Variants in CPQ observed in about 807,000 individuals in gnomAD.
The protein encoded by CPQ is Ser-Met dipeptidase.
CPQ carries 37 observed loss-of-function variants against 45.7 expected under a neutral mutation model. The ratio of observed to expected loss-of-function variants is 0.81; its 90% CI spans 0.62 to 1.07. The LOEUF (loss-of-function observed/expected upper bound fraction) is 1.07, where lower values mean the gene tolerates loss of function less well. Ranked by LOEUF, CPQ falls within the 50% of genes least tolerant of loss-of-function variation. The pLI, the probability that CPQ is intolerant of heterozygous loss-of-function variation, is 0.00. For missense variants in CPQ, 537 were observed against 572.9 expected (o/e 0.94, Z 0.64); for synonymous variants, 186 against 205.8 (o/e 0.90, Z 0.82).
chr8:97,094,633 C>T (rs930463778), intron 7 of CPQ, among the ~76,000 whole-genome samples: 1 of 152,046 alleles, frequency 6.6e-6, no homozygotes, highest in East Asian at 1.9e-4. Flanking sequence ...GTTCTGAGTC[C>T]GGTCCCCCTC....
chr8:97,020,683 GA>G (rs1395360546), intron 5 of CPQ, among the ~76,000 whole-genome samples: 1 of 152,038 alleles, frequency 6.6e-6, no homozygotes, highest in Non-Finnish European at 1.5e-5. Flanking sequence ...GAAAGAATTA[GA>G]TATTCTGAAC....
intron 3 of CPQ, among the ~76,000 whole-genome samples, chr8:96,841,763 C>G (rs1193392636): frequency 6.6e-6 from 1 of 152,078 alleles, no homozygotes; most frequent in Non-Finnish European, 1.5e-5. Context: ...TTGAAGATGA[C>G]TAAGAGCTGA....
intron 1 of CPQ, among the ~76,000 whole-genome samples, chr8:96,725,705 C>T (rs916842945): frequency 4.6e-5 from 7 of 152,086 alleles, no homozygotes; most frequent in African/African-American, 1.7e-4. Context: ...AACAGAACTG[C>T]CATTCAACCC....
intron 3 of CPQ, among the ~76,000 whole-genome samples, chr8:96,861,541 T>A (rs1811926164): frequency 6.6e-6 from 1 of 152,104 alleles, no homozygotes. Flanking sequence ...GTGTGACAAA[T>A]TCTTCACATT....
intron 2 of CPQ, among the ~76,000 whole-genome samples, chr8:96,801,822 C>T (rs1811010521): frequency 6.6e-6 from 1 of 152,154 alleles, no homozygotes; most frequent in Non-Finnish European, 1.5e-5. Context: ...TTTAGCAAAT[C>T]TGTCTGCCTT....
At chr8:96,685,894 T>C (rs1053304883) in intron 1 of CPQ, among the ~76,000 whole-genome samples, 2 of 152,126 alleles carry the variant, frequency 1.3e-5, no homozygotes, top group Non-Finnish European at 2.9e-5. Flanking sequence ...TTCTTGTGGG[T>C]CCATCAGTAA....
chr8:97,044,239 T>G (rs1468703747), intron 6 of CPQ, among the ~76,000 whole-genome samples: 1 of 152,218 alleles, frequency 6.6e-6, no homozygotes. Flanking sequence ...TCATTTCATC[T>G]TCCATCACTG....
chr8:97,122,987 TAAA>T (rs1811753725), intron 7 of CPQ, among the ~76,000 whole-genome samples: 1 of 40,350 alleles, frequency 2.5e-5, no homozygotes, highest in Non-Finnish European at 4.1e-5. Context: ...AAAATTAAAA[TAAA>T]ATAAAATAAA....
intron 4 of CPQ, among the ~76,000 whole-genome samples, chr8:96,885,863 G>A (rs937059255): frequency 2.6e-5 from 4 of 152,056 alleles, no homozygotes; most frequent in Non-Finnish European, 4.4e-5. Flanking sequence ...GTGGTGGCGG[G>A]CGCCTGTAGC....
At chr8:96,661,465 T>C (rs1815701293) in intron 1 of CPQ, among the ~76,000 whole-genome samples, 1 of 152,196 alleles carries the variant, frequency 6.6e-6, no homozygotes, top group Non-Finnish European at 1.5e-5. Flanking sequence ...CCCTCACTCC[T>C]GGCAACTACT....
intron 4 of CPQ, among the ~76,000 whole-genome samples, chr8:96,880,592 C>A (rs1812211825): frequency 7.9e-6 from 1 of 125,890 alleles, no homozygotes; most frequent in African/African-American, 3.1e-5. Context: ...GGAATACTAC[C>A]CAGCCATAGA....
chr8:96,889,200 G>A (rs1400460972), intron 4 of CPQ, among the ~76,000 whole-genome samples: 12 of 152,230 alleles, frequency 7.9e-5, no homozygotes, highest in Admixed American at 7.8e-4. Flanking sequence ...CGTTTTAGCA[G>A]TGGATTTTCA....
intron 4 of CPQ, among the ~76,000 whole-genome samples, chr8:96,946,089 AG>A (rs1813183903): frequency 6.6e-6 from 1 of 151,976 alleles, no homozygotes; most frequent in Admixed American, 6.6e-5. Flanking sequence ...CTTTGTGAAA[AG>A]GTATATCCCT....
chr8:97,002,413 C>G (rs1292004648), intron 5 of CPQ, among the ~76,000 whole-genome samples: 2 of 152,108 alleles, frequency 1.3e-5, no homozygotes. Context: ...CTATAGATCT[C>G]CCTCTTAACA....
intron 1 of CPQ, among the ~76,000 whole-genome samples, chr8:96,681,774 C>A (rs1809155864): frequency 1.3e-5 from 2 of 152,206 alleles, no homozygotes; most frequent in South Asian, 2.1e-4. Context: ...CTATACCCTG[C>A]AAAGCCACAG....
At chr8:96,781,225 A>T (rs1472377161) in intron 1 of CPQ, among the ~76,000 whole-genome samples, 8 of 152,192 alleles carry the variant, frequency 5.3e-5, no homozygotes, top group Admixed American at 5.2e-4. Flanking sequence ...GTCTTAGTCT[A>T]TTTTGTGCTG....
At chr8:96,729,545 A>G (rs2130769212) in intron 1 of CPQ, among the ~76,000 whole-genome samples, 1 of 152,346 alleles carries the variant, frequency 6.6e-6, no homozygotes, top group African/African-American at 2.4e-5. Context: ...TGAAGTAATC[A>G]GAATAGAATA....
Position 97,066,209 on chromosome 8 carries a change from TG to T in CPQ, c.1255+1del. On this transcript the variant is annotated frameshift_variant and splice_region_variant, in exon 7 of 8. Transcript: ENST00000220763. LOFTEE classifies it high-confidence loss of function. ...INFWIQAGVPGASLLDDLYKY... is the reference protein window; with the variant it reads ...INFWIQAGVPXASLLDDLYKY... ...ACTTTTGGATCCAAGCTGGAGTGCCTGGTAAGACCAAAAGATGAAGTTGTGT... is the reference window on the plus strand; with the variant it reads ...ACTTTTGGATCCAAGCTGGAGTGCCTGTAAGACCAAAAGATGAAGTTGTGT... The T allele has an allele frequency of 6.2e-7, 1 of 1,607,716 alleles. No homozygotes were observed. Among genetic ancestry groups the T allele is most frequent in the South Asian group, 1.1e-5 (1 of 89,608 alleles).
At chr8:97,118,521 C>T (rs1273844257) in intron 7 of CPQ, among the ~76,000 whole-genome samples, 1 of 152,180 alleles carries the variant, frequency 6.6e-6, no homozygotes, top group Admixed American at 6.5e-5. Context: ...AGTGAGTTAA[C>T]CTGTTAGCTT....
Sources: allele counts gnomAD v4.1 joint callset (sites outside exome capture counted in the v4.1 genomes callset), GRCh38; gene constraint gnomAD v4.1.1; transcripts MANE v1.5; gene names NCBI Gene and HGNC (gene_info 2026-07-23, HGNC 2026-07-21).